The following DPP8 variants were observed in gnomAD, a reference collection of about 807,000 sequenced individuals.
The protein encoded by DPP8 is dipeptidyl peptidase 8.
In DPP8, 31 loss-of-function variants were observed where a neutral mutation model predicts 107.5. The ratio of observed to expected loss-of-function variants is 0.29; its 90% CI spans 0.22 to 0.39. The LOEUF (loss-of-function observed/expected upper bound fraction) is 0.39, where lower values mean the gene tolerates loss of function less well. Among genes scored for constraint, DPP8 ranks in the 10% least tolerant of loss-of-function variants. The pLI, the probability that DPP8 is intolerant of heterozygous loss-of-function variation, is 1.00. For synonymous variants in DPP8, 381 were observed against 356.6 expected (o/e 1.07, Z -0.77); for missense variants, 842 against 1,076.1 (o/e 0.78, Z 3.04).
chr15:65,474,470 T>C (rs577728036), intron 11 of DPP8, among the ~76,000 whole-genome samples, 182 bp from the exon 12 acceptor site: 7 of 152,246 alleles, frequency 4.6e-5, no homozygotes, highest in Non-Finnish European at 2.9e-5. Flanking sequence ...GCCACTGCAT[T>C]GTTTGTTTAT....
intron 5 of DPP8, among the ~76,000 whole-genome samples, chr15:65,496,816 ATTT>A (rs1185461247): frequency 7.2e-6 from 1 of 138,872 alleles, no homozygotes; most frequent in Non-Finnish European, 1.6e-5. Context: ...ACATCCAGCT[ATTT>A]TTTTTTTTTT....
chr15:65,453,895 G>A (rs2064181075), intron 17 of DPP8, among the ~76,000 whole-genome samples: 1 of 152,016 alleles, frequency 6.6e-6, no homozygotes, highest in Non-Finnish European at 1.5e-5. Context: ...ATCTCTTGAG[G>A]TCAGGAGTTT....
chr15:65,455,579 A>G (rs915341858), intron 16 of DPP8: 80 of 881,616 alleles, frequency 9.1e-5, no homozygotes, highest in Non-Finnish European at 1.1e-4. Flanking sequence ...CACCTTGTCT[A>G]TATTACTAGG....
chr15:65,462,648 C>T (rs906236951), intron 15 of DPP8, among the ~76,000 whole-genome samples: 2 of 152,060 alleles, frequency 1.3e-5, no homozygotes, highest in East Asian at 3.9e-4. Context: ...GGCACTATCT[C>T]GGCTCACCGC....
At chr15:65,500,517 C>T (rs1400391502) in intron 4 of DPP8, 89 bp downstream of exon 4, 5 of 977,188 alleles carry the variant, frequency 5.1e-6, no homozygotes, top group Middle Eastern at 4.5e-4. Context: ...ACTGAAGTTG[C>T]TGGTTTGTTT....
intron 3 of DPP8, among the ~76,000 whole-genome samples, chr15:65,501,490 A>G (rs2069233220): frequency 6.6e-6 from 1 of 152,262 alleles, no homozygotes; most frequent in African/African-American, 2.4e-5. Context: ...TTGAGAAAGT[A>G]GCTTAATTTA....
In DPP8 at chr15:65,446,740, G is replaced by T; in HGVS notation, c.*144C>A. On this transcript the variant is annotated 3_prime_UTR_variant, in exon 20 of 20. Transcript: ENST00000300141. ...TTACTACCACAAACCGTAGACCCCT[G>T]CATGGCACCACATTTATTTTCAGGA... 1 of 760,242 alleles carries T rather than the reference G, an allele frequency of 1.3e-6. No individual in the cohort carries two copies. The highest frequency in any genetic ancestry group is 3.2e-5 in the East Asian group (1 of 30,902). 47.1% of individuals were successfully genotyped at this position (760,242 alleles called of 1,614,324 possible).
intron 3 of DPP8, among the ~76,000 whole-genome samples, 175 bp from the exon 4 acceptor site, chr15:65,500,954 T>C (rs919803888): frequency 6.7e-6 from 1 of 148,242 alleles, no homozygotes; most frequent in Admixed American, 6.9e-5. Context: ...CTTGGCTCAC[T>C]GCAAGCTCTG....
intron 5 of DPP8, among the ~76,000 whole-genome samples, chr15:65,493,274 G>GT (rs2068228674): frequency 6.6e-6 from 1 of 151,984 alleles, no homozygotes; most frequent in Non-Finnish European, 1.5e-5. Context: ...TAGAGACAGG[G>GT]TTTCTCCATG....
At chr15:65,450,355 A>C (rs2063888773) in intron 19 of DPP8, among the ~76,000 whole-genome samples, 1 of 152,206 alleles carries the variant, frequency 6.6e-6, no homozygotes, top group African/African-American at 2.4e-5. Context: ...TGACATAAAC[A>C]AAGTTCTTTG....
intron 15 of DPP8, among the ~76,000 whole-genome samples, chr15:65,461,562 T>C (rs536362146): frequency 2.0e-5 from 3 of 152,180 alleles, no homozygotes; most frequent in African/African-American, 7.2e-5. Context: ...TGTATAAAGC[T>C]TGAGAGTGTC....
At chr15:65,493,168 C>G (rs779181524) in intron 5 of DPP8, among the ~76,000 whole-genome samples, 1 of 152,012 alleles carries the variant, frequency 6.6e-6, no homozygotes, top group Non-Finnish European at 1.5e-5. Flanking sequence ...ACCGCAACCT[C>G]CACTTCCTGG....
At chr15:65,458,189 C>T (rs1343750692) in intron 15 of DPP8, among the ~76,000 whole-genome samples, 1 of 152,176 alleles carries the variant, frequency 6.6e-6, no homozygotes, top group African/African-American at 2.4e-5. Context: ...TATCATCTAG[C>T]CTGATCTCTT....
At chr15:65,470,789 T>C (rs866151407) in intron 12 of DPP8, among the ~76,000 whole-genome samples, 23 of 151,326 alleles carry the variant, frequency 1.5e-4, no homozygotes, top group African/African-American at 4.6e-4. Context: ...CATGGTGGTG[T>C]ATGCCTGTAA....
intron 16 of DPP8, chr15:65,455,569 C>A: frequency 1.3e-6 from 1 of 764,218 alleles, no homozygotes; most frequent in Non-Finnish European, 1.7e-6. Context: ...CTACCACCAC[C>A]ACCTTGTCTA....
intron 4 of DPP8, among the ~76,000 whole-genome samples, chr15:65,500,010 C>T (rs2069034909): frequency 6.6e-6 from 1 of 152,202 alleles, no homozygotes; most frequent in Admixed American, 6.6e-5. Context: ...ATCCTCCCAC[C>T]TCAGACTCCT....
intron 2 of DPP8, among the ~76,000 whole-genome samples, chr15:65,511,051 A>G (rs1362521294): frequency 3.3e-5 from 5 of 152,338 alleles, no homozygotes; most frequent in Admixed American, 6.5e-5. Context: ...GGAGTTCAGT[A>G]ATATCAATCA....
intron 2 of DPP8, among the ~76,000 whole-genome samples, chr15:65,511,639 CAA>C (rs373452327): frequency 9.1e-6 from 1 of 110,334 alleles, no homozygotes; most frequent in Non-Finnish European, 1.8e-5. Context: ...GACCCTGTCT[CAA>C]AAAAAAAAAA....
chr15:65,453,674 C>T (rs745717968), intron 17 of DPP8, among the ~76,000 whole-genome samples: 22 of 152,076 alleles, frequency 1.4e-4, no homozygotes, highest in Non-Finnish European at 5.9e-5. Context: ...GCCAAGATTG[C>T]GTCACTGCAC....
Sources: gnomAD v4.1 joint callset for allele counts (sites outside exome capture counted in the v4.1 genomes callset) on GRCh38, gnomAD v4.1.1 for gene constraint, MANE v1.5 for transcripts, NCBI Gene and HGNC (gene_info 2026-07-23, HGNC 2026-07-21) for gene names.